Variants in FHIT observed in about 807,000 individuals in gnomAD.
FHIT encodes the protein bis(5'-adenosyl)-triphosphatase.
A neutral mutation model predicts 17.9 loss-of-function variants in FHIT; 19 were observed. The observed-to-expected ratio is 1.06, with a 90% CI of 0.74 to 1.56. The LOEUF (loss-of-function observed/expected upper bound fraction) is 1.56, where lower values mean the gene tolerates loss of function less well. FHIT is among the 40% of genes most tolerant of loss of function. The pLI is 0.00. For missense variants in FHIT, 248 were observed against 189.2 expected, an observed-to-expected ratio of 1.31 and a Z score of -1.82; for synonymous variants, 81 against 69.7, an observed-to-expected ratio of 1.16 and a Z score of -0.81.
intron 5 of FHIT, among the ~76,000 whole-genome samples, chr3:60,161,667 G>A (rs1168564972): frequency 1.3e-5 from 2 of 152,016 alleles, no homozygotes; most frequent in African/African-American, 2.4e-5. Context: ...TAACTCAGGA[G>A]GGACCTGCAT....
intron 1 of FHIT, among the ~76,000 whole-genome samples, chr3:61,242,172 T>C (rs769484424): frequency 5.9e-5 from 9 of 152,130 alleles, no homozygotes; most frequent in Admixed American, 1.3e-4. Flanking sequence ...AAAAACAACT[T>C]TCCAAAGGAA....
At chr3:59,863,612 A>C (rs1702502519) in intron 8 of FHIT, among the ~76,000 whole-genome samples, 2 of 152,226 alleles carry the variant, frequency 1.3e-5, no homozygotes, top group Non-Finnish European at 2.9e-5. Context: ...TGTCTAGCTC[A>C]TAGTAGGGAG....
At chr3:61,172,949 A>G (rs986862172) in intron 2 of FHIT, among the ~76,000 whole-genome samples, 2 of 152,174 alleles carry the variant, frequency 1.3e-5, no homozygotes, top group Admixed American at 6.6e-5. Context: ...AAGCAGGCCT[A>G]GCCAAAACAA....
At chr3:61,234,573 T>C (rs2040183791) in intron 1 of FHIT, among the ~76,000 whole-genome samples, 1 of 152,100 alleles carries the variant, frequency 6.6e-6, no homozygotes, top group Non-Finnish European at 1.5e-5. Flanking sequence ...ATAAAAACAA[T>C]GGAAAAAAAG....
At chr3:61,118,602 C>A in intron 2 of FHIT, among the ~76,000 whole-genome samples, 1 of 152,144 alleles carries the variant, frequency 6.6e-6, no homozygotes, top group East Asian at 1.9e-4. Context: ...AGATGTGGGC[C>A]CTGGCTCCAG....
chr3:60,105,299 C>T (rs139799951), intron 5 of FHIT, among the ~76,000 whole-genome samples: 13 of 152,294 alleles, frequency 8.5e-5, no homozygotes, highest in African/African-American at 2.6e-4. Context: ...TTCATTGTTA[C>T]TCTACAGGAC....
At chr3:59,969,117 T>C (rs1708063249) in intron 7 of FHIT, among the ~76,000 whole-genome samples, 1 of 152,160 alleles carries the variant, frequency 6.6e-6, no homozygotes, top group Non-Finnish European at 1.5e-5. Context: ...TTATTCTCTG[T>C]GAAATTATCC....
chr3:60,354,503 A>G (rs1699560121), intron 5 of FHIT, among the ~76,000 whole-genome samples: 1 of 152,178 alleles, frequency 6.6e-6, no homozygotes, highest in Admixed American at 6.6e-5. Context: ...AAACAGATAC[A>G]GAGTAGTTAT....
chr3:59,800,510 C>A (rs1366839633), intron 8 of FHIT, among the ~76,000 whole-genome samples: 1 of 152,288 alleles, frequency 6.6e-6, no homozygotes, highest in Admixed American at 6.5e-5. Context: ...GGCTTTTACT[C>A]CTGGTTCAGA....
At chr3:60,667,021 ATTTTTTTTTTTTTTTT>A (rs56071877) in intron 4 of FHIT, among the ~76,000 whole-genome samples, 1 of 34,126 alleles carries the variant, frequency 2.9e-5, no homozygotes, top group South Asian at 1.7e-3. Context: ...TGCCTGGTTA[ATTTTTTTTTTTTTTTT>A]TTTTTTTTTT....
chr3:60,090,468 G>T (rs1174406117), intron 5 of FHIT, among the ~76,000 whole-genome samples: 3 of 152,176 alleles, frequency 2.0e-5, no homozygotes, highest in Non-Finnish European at 4.4e-5. Flanking sequence ...ATTATCAAGT[G>T]AGCTGGGAGC....
At chr3:59,779,684 G>A (rs568397139) in intron 8 of FHIT, among the ~76,000 whole-genome samples, 61 of 152,052 alleles carry the variant, frequency 4.0e-4, no homozygotes, top group African/African-American at 1.4e-3. Flanking sequence ...GGCATACGAG[G>A]TTATCAGGAA....
chr3:61,213,159 T>A (rs1300261855), intron 1 of FHIT, among the ~76,000 whole-genome samples: 1 of 152,148 alleles, frequency 6.6e-6, no homozygotes, highest in Non-Finnish European at 1.5e-5. Flanking sequence ...ATAACAATAT[T>A]AACTTTAAAT....
intron 5 of FHIT, among the ~76,000 whole-genome samples, chr3:60,516,286 A>G (rs935497218): frequency 6.6e-6 from 1 of 152,240 alleles, no homozygotes; most frequent in African/African-American, 2.4e-5. Flanking sequence ...AATATTTTCT[A>G]AAACAAAAAA....
rs576885952 is a variant in FHIT at position 60,092,771 on chromosome 3, T to C, written c.104-78619A>G. 4.6e-5 allele frequency among the ~76,000 whole-genome samples: 7 copies of C among 152,284 alleles called. No individual in the cohort carries two copies. The East Asian group carries it at 1.2e-3, about 25-fold the overall frequency. On this transcript the variant is annotated intron_variant, in intron 5 of 9. Coordinates refer to ENST00000492590, the MANE Select transcript of FHIT (RefSeq NM_002012.4). ...AAATAATAACAATAATGACATTCAC[T>C]GTGAGCAAAAGAACTCTGTAAGCAA...
chr3:60,741,367 C>A (rs2042237653), intron 4 of FHIT, among the ~76,000 whole-genome samples: 1 of 152,172 alleles, frequency 6.6e-6, no homozygotes, highest in Admixed American at 6.5e-5. Flanking sequence ...GACAGGAACC[C>A]TATCTGAGCT....
At chr3:60,894,947 A>T (rs1359763475) in intron 3 of FHIT, among the ~76,000 whole-genome samples, 1 of 152,178 alleles carries the variant, frequency 6.6e-6, no homozygotes, top group Non-Finnish European at 1.5e-5. Context: ...AGTCTCTCAC[A>T]CATACAATGA....
chr3:59,937,295 G>GA (rs1276261869), intron 7 of FHIT, among the ~76,000 whole-genome samples: 1 of 151,998 alleles, frequency 6.6e-6, no homozygotes, highest in Admixed American at 6.6e-5. Context: ...TAACTAGAGA[G>GA]AAAAAAAGAT....
intron 5 of FHIT, among the ~76,000 whole-genome samples, chr3:60,263,089 A>C (rs1371027246): frequency 6.6e-6 from 1 of 152,034 alleles, no homozygotes; most frequent in Non-Finnish European, 1.5e-5. Flanking sequence ...ACATAATTAC[A>C]GGAAAAAAAT....
Sources: gnomAD v4.1 joint callset for allele counts (sites outside exome capture counted in the v4.1 genomes callset) on GRCh38, gnomAD v4.1.1 for gene constraint, MANE v1.5 for transcripts, NCBI Gene and HGNC (gene_info 2026-07-23, HGNC 2026-07-21) for gene names.